Variants in ARFGEF3 observed in about 807,000 individuals in gnomAD.
ARFGEF3 encodes the protein ARFGEF family member 3.
In ARFGEF3, 96 loss-of-function variants were observed where a neutral mutation model predicts 221.7. The ratio of observed to expected loss-of-function variants is 0.43; its 90% CI spans 0.37 to 0.51. The LOEUF is 0.51. ARFGEF3 is among the 20% of genes least tolerant of loss of function. ARFGEF3 has a pLI of 0.00. For missense variants in ARFGEF3, 2,410 were observed against 2,789.9 expected, an observed-to-expected ratio of 0.86 and a Z score of 3.07; for synonymous variants, 1,145 against 1,126.8, an observed-to-expected ratio of 1.02 and a Z score of -0.32.
At position 138,170,607 on chromosome 6, in the gene ARFGEF3, T is replaced by C. The variant is rs557547405; in HGVS notation, c.86-55T>C. 287 of 918,212 alleles carry C rather than the reference T, an allele frequency of 3.1e-4. 1 individual carries two copies. The highest frequency in any genetic ancestry group is 8.1e-4 in the Admixed American group (43 of 53,296). The allele number at this position is 918,212 out of a possible 1,614,324, so 56.9% of individuals were successfully genotyped here. The stretch of plus-strand genomic sequence containing the variant: ...AACTAACAGAGAAATTCATGTACAA[T>C]GTATATTCTCAGTGTTTAAATATTT... On this transcript the variant is annotated intron_variant, in intron 1 of 33. Transcript: ENST00000251691.
chr6:138,332,393 C>G (rs1314663646), intron 32 of ARFGEF3, among the ~76,000 whole-genome samples: 1 of 151,916 alleles, frequency 6.6e-6, no homozygotes, highest in African/African-American at 2.4e-5. Context: ...TTCCTGGTTA[C>G]TGGGGACAAG....
At chr6:138,207,975 A>G (rs986837529) in intron 3 of ARFGEF3, among the ~76,000 whole-genome samples, 15 of 152,230 alleles carry the variant, frequency 9.9e-5, no homozygotes, top group Admixed American at 4.6e-4. Flanking sequence ...ATTTTTATAC[A>G]CAGCAGCATT....
intron 12 of ARFGEF3, among the ~76,000 whole-genome samples, chr6:138,272,423 C>G (rs974190752): frequency 2.6e-5 from 4 of 152,174 alleles, no homozygotes; most frequent in African/African-American, 9.7e-5. Flanking sequence ...TCCCAAAGTG[C>G]TGGGATTACA....
intron 26 of ARFGEF3, 37 bp from the exon 27 acceptor site, chr6:138,317,214 A>C: frequency 6.2e-7 from 1 of 1,604,018 alleles, no homozygotes; most frequent in Non-Finnish European, 8.5e-7. Flanking sequence ...CATTGTGTCT[A>C]ACTGGATTTC....
At chr6:138,267,351 G>T (rs1260778228) in intron 12 of ARFGEF3, among the ~76,000 whole-genome samples, 1 of 152,096 alleles carries the variant, frequency 6.6e-6, no homozygotes, top group Non-Finnish European at 1.5e-5. Flanking sequence ...CTTGAACCCA[G>T]GAGGCGGAGG....
At chr6:138,185,919 G>A (rs890429687) in intron 2 of ARFGEF3, among the ~76,000 whole-genome samples, 5 of 152,038 alleles carry the variant, frequency 3.3e-5, no homozygotes, top group African/African-American at 9.7e-5. Flanking sequence ...TTGTCTTATC[G>A]TTTACAACAA....
intron 2 of ARFGEF3, among the ~76,000 whole-genome samples, chr6:138,177,099 ATT>A (rs76738635): frequency 8.0e-6 from 1 of 125,540 alleles, no homozygotes; most frequent in Non-Finnish European, 1.8e-5. Context: ...ATTTATTTAT[ATT>A]TTTTTTGAGA....
chr6:138,340,415 T>C lies in ARFGEF3; in HGVS notation c.*3929T>C, dbSNP rs535473384. 6.6e-6 allele frequency: 1 copy of C among 152,296 alleles called. No individual in the cohort carries two copies. The highest frequency in any genetic ancestry group is 2.1e-4 in the South Asian group (1 of 4,822). The allele number at this position is 152,296 out of a possible 1,614,324, so 9.4% of individuals were successfully genotyped here. ...GTGAGACGGTAATGCAGTTATATAA[T>C]AGATACCCTTGACTTTGCCAGATTC... On this transcript the variant is annotated 3_prime_UTR_variant, in exon 34 of 34. Transcript: ENST00000251691.
intron 14 of ARFGEF3, among the ~76,000 whole-genome samples, chr6:138,282,760 G>A (rs950367913): frequency 6.6e-6 from 1 of 152,108 alleles, no homozygotes; most frequent in Non-Finnish European, 1.5e-5. Flanking sequence ...TGAAAAATAA[G>A]CATTCAGGCC....
intron 31 of ARFGEF3, among the ~76,000 whole-genome samples, chr6:138,324,663 C>T (rs78189265): frequency 0.01 from 1,589 of 152,298 alleles, 27 homozygotes; most frequent in African/African-American, 0.036. Context: ...TCTTGAGACA[C>T]GTGTAAGAAG....
Position 138,291,643 on chromosome 6 carries a change from C to T in ARFGEF3, c.3048-90C>T, listed in dbSNP as rs554416678. 10 of 916,566 alleles carry T rather than the reference C, an allele frequency of 1.1e-5. No homozygotes were observed. The East Asian group carries it at 3.0e-4, about 27-fold the overall frequency. The allele number at this position is 916,566 out of a possible 1,614,324, so 56.8% of individuals were successfully genotyped here. A position where few individuals can be genotyped will look rare whatever the true frequency, so the allele number is the denominator to read the frequency against. Reference sequence around the variant, plus strand: ...AAAGCTGGGGAGCTTGCAGAGCTGGCTGCATTTCCTTTGTCTGGCACTGTG... The same window carrying T: ...AAAGCTGGGGAGCTTGCAGAGCTGGTTGCATTTCCTTTGTCTGGCACTGTG... On this transcript the variant is annotated intron_variant, in intron 18 of 33. Coordinates refer to ENST00000251691, the MANE Select transcript of ARFGEF3 (RefSeq NM_020340.5). The surrounding 1 kb of genome is among the most constrained non-coding windows in gnomAD (Gnocchi z 4.5).
rs764755219 is a variant in ARFGEF3 at position 138,255,727 on chromosome 6, C to T, written c.1062C>T (p.Pro354=). ...QSLYHRVLLY[P]PPQHRVEAIK... ...TCTACCACCGAGTGCTGCTCTACCC[C>T]CCACCCCAGCACCGGGTGGAAGCCA... The change falls in exon 10 of 34, where the codon CCC becomes CCT. Residue 354 remains proline, a synonymous_variant. Transcript: ENST00000251691. The T allele has an allele frequency of 1.5e-5, 24 of 1,602,190 alleles. No homozygotes were observed. The highest frequency in any genetic ancestry group is 1.3e-4 in the African/African-American group (10 of 74,656).
At chr6:138,303,949 G>C (rs1779674023) in intron 22 of ARFGEF3, among the ~76,000 whole-genome samples, 1 of 151,326 alleles carries the variant, frequency 6.6e-6, no homozygotes, top group Non-Finnish European at 1.5e-5. Flanking sequence ...TGCCCTACTG[G>C]TGAGAGGGTA....
At chr6:138,307,442 G>A in intron 23 of ARFGEF3, 45 bp downstream of exon 23, 1 of 1,563,688 alleles carries the variant, frequency 6.4e-7, no homozygotes. Context: ...TTAATTCTCT[G>A]TGCCAAGTTT....
At position 138,344,149 on chromosome 6, in the gene ARFGEF3, T is replaced by G. The variant is rs2114716775; in HGVS notation, c.*7663T>G. The G allele has an allele frequency of 6.6e-6, 1 of 152,328 alleles. No individual in the cohort carries two copies. The highest frequency in any genetic ancestry group is 2.1e-4 in the South Asian group (1 of 4,828). The allele number at this position is 152,328 out of a possible 1,614,324, so 9.4% of individuals were successfully genotyped here. ...TAAAGCCAGTGGGTGGTATGGGTCC[T>G]TTTATTCCTTATAGTATTATGCCAA... On this transcript the variant is annotated 3_prime_UTR_variant, in exon 34 of 34. Transcript: ENST00000251691.
At position 138,319,801 on chromosome 6, in the gene ARFGEF3, G is replaced by T. The variant is rs1332824521; in HGVS notation, c.4573G>T (p.Ala1525Ser). Residue 1525 changes from alanine (A) to serine (S), a missense_variant, in exon 28 of 34, where the codon GCC becomes TCC. By Grantham distance (99) the Ala-to-Ser change is moderately conservative (BLOSUM62 1). Transcript: ENST00000251691. ...TAAAGACCATTCCTACTGGGATATG[G>T]CCTCTGCCAATTTCAAGCACGCTAT... is the stretch of plus-strand genomic sequence containing the variant. ...SHKDHSYWDM[A>S]SANFKHAIGL... is the part of the protein sequence containing the mutation. 3 of 1,614,000 alleles carry T rather than the reference G, an allele frequency of 1.9e-6. No homozygotes were observed. Among genetic ancestry groups the T allele is most frequent in the Middle Eastern group, 1.7e-4 (1 of 6,058 alleles).
chr6:138,298,567 C>A, intron 21 of ARFGEF3, 39 bp from the exon 22 acceptor site: 1 of 1,566,772 alleles, frequency 6.4e-7, no homozygotes, highest in South Asian at 1.2e-5. Context: ...TCACTGTCTG[C>A]TGTCCTGATG....
intron 12 of ARFGEF3, among the ~76,000 whole-genome samples, chr6:138,277,645 T>C (rs1189967495): frequency 6.6e-6 from 1 of 152,240 alleles, no homozygotes; most frequent in African/African-American, 2.4e-5. Flanking sequence ...ATTCGGCAAA[T>C]GTTTTTAAGG....
At chr6:138,333,694 G>T (rs183993386) in intron 32 of ARFGEF3, among the ~76,000 whole-genome samples, 2 of 152,036 alleles carry the variant, frequency 1.3e-5, no homozygotes, top group African/African-American at 4.8e-5. Flanking sequence ...CGCCCACCTC[G>T]GCCTTCCAAA....
Sources: gnomAD v4.1 joint callset for allele counts (sites outside exome capture counted in the v4.1 genomes callset) on GRCh38, gnomAD v4.1.1 for gene constraint, Gnocchi (gnomAD v3.1) non-coding constraint, MANE v1.5 for transcripts, NCBI Gene and HGNC (gene_info 2026-07-23, HGNC 2026-07-21) for gene names.